Variants in PLS1 observed in about 807,000 individuals in gnomAD.
PLS1 encodes the protein plastin-1.
In PLS1, 32 loss-of-function variants were observed where a neutral mutation model predicts 73.7. The ratio of observed to expected loss-of-function variants is 0.43; its 90% CI spans 0.33 to 0.58. The LOEUF (loss-of-function observed/expected upper bound fraction) is 0.58, where lower values mean the gene tolerates loss of function less well. PLS1 is among the 20% of genes least tolerant of loss of function. The probability of loss-of-function intolerance (pLI) is 0.04; values close to 1 mark genes in which losing one functional copy is unlikely to be tolerated. For synonymous variants in PLS1, 217 were observed against 261.3 expected (o/e 0.83, Z 1.63); for missense variants, 633 against 740.5 (o/e 0.85, Z 1.68).
At chr3:142,634,106 A>G (rs1161854855) in intron 1 of PLS1, among the ~76,000 whole-genome samples, 1 of 152,224 alleles carries the variant, frequency 6.6e-6, no homozygotes, top group East Asian at 1.9e-4. Flanking sequence ...CCTCGGAGAC[A>G]TAACAATGGA....
At chr3:142,597,772 T>C (rs2035838424) in intron 1 of PLS1, among the ~76,000 whole-genome samples, 1 of 152,216 alleles carries the variant, frequency 6.6e-6, no homozygotes. Context: ...GGGGTCTTTT[T>C]ACCACTCCCT....
At chr3:142,618,871 G>A (rs965106213) in intron 1 of PLS1, among the ~76,000 whole-genome samples, 1 of 152,114 alleles carries the variant, frequency 6.6e-6, no homozygotes, top group African/African-American at 2.4e-5. Context: ...TACCCTTAAT[G>A]AACATCTGCA....
intron 1 of PLS1, among the ~76,000 whole-genome samples, chr3:142,616,553 T>C (rs1296120615): frequency 1.3e-5 from 2 of 152,182 alleles, no homozygotes; most frequent in Non-Finnish European, 2.9e-5. Flanking sequence ...ATTTGCTTTT[T>C]GTATCTATTC....
At chr3:142,618,434 T>C (rs751846897) in intron 1 of PLS1, among the ~76,000 whole-genome samples, 28 of 152,242 alleles carry the variant, frequency 1.8e-4, no homozygotes, top group Non-Finnish European at 3.4e-4. Flanking sequence ...ACAAATTTAT[T>C]ATCTTACAGT....
At chr3:142,695,953 C>T (rs531519755) in intron 11 of PLS1, among the ~76,000 whole-genome samples, 38 of 152,228 alleles carry the variant, frequency 2.5e-4, no homozygotes, top group African/African-American at 8.9e-4. Flanking sequence ...TGCCACCACG[C>T]CCAGCTAATT....
intron 1 of PLS1, among the ~76,000 whole-genome samples, chr3:142,600,916 A>ATATATATTTTT (rs1560024585): frequency 6.7e-5 from 1 of 14,842 alleles, no homozygotes; most frequent in Non-Finnish European, 1.1e-4. Flanking sequence ...ATATATATAT[A>ATATATATTTTT]TTTTTTTTTT....
At chr3:142,614,134 G>A (rs2036171246) in intron 1 of PLS1, among the ~76,000 whole-genome samples, 1 of 152,144 alleles carries the variant, frequency 6.6e-6, no homozygotes, top group Non-Finnish European at 1.5e-5. Context: ...GGCCACTTTG[G>A]GATTTGCTAT....
At chr3:142,665,669 T>TA (rs1444833560) in intron 2 of PLS1, among the ~76,000 whole-genome samples, 2 of 152,198 alleles carry the variant, frequency 1.3e-5, no homozygotes, top group Admixed American at 1.3e-4. Flanking sequence ...CAGGTCTTGG[T>TA]AAAATAAATG....
At chr3:142,681,356 C>T (rs1353883381) in intron 6 of PLS1, among the ~76,000 whole-genome samples, 1 of 151,982 alleles carries the variant, frequency 6.6e-6, no homozygotes, top group African/African-American at 2.4e-5. Flanking sequence ...ATGAAGATCC[C>T]AGTACAACAT....
intron 5 of PLS1, among the ~76,000 whole-genome samples, chr3:142,677,266 T>C (rs2107864350): frequency 6.6e-6 from 1 of 152,314 alleles, no homozygotes; most frequent in South Asian, 2.1e-4. Flanking sequence ...TTTATGAAAC[T>C]TGGCTTCTTG....
intron 1 of PLS1, among the ~76,000 whole-genome samples, chr3:142,601,009 C>T (rs1291762523): frequency 5.1e-5 from 7 of 137,940 alleles, no homozygotes; most frequent in African/African-American, 1.1e-4. Flanking sequence ...CTGCAAGCTC[C>T]GCCTCCCGGG....
intron 1 of PLS1, among the ~76,000 whole-genome samples, chr3:142,616,891 C>T (rs569822413): frequency 4.6e-5 from 7 of 152,218 alleles, no homozygotes; most frequent in African/African-American, 9.6e-5. Flanking sequence ...TGTGAGCCAC[C>T]GCACCCGGCC....
chr3:142,608,509 G>A (rs1037009579), intron 1 of PLS1, among the ~76,000 whole-genome samples: 10 of 152,154 alleles, frequency 6.6e-5, no homozygotes, highest in Middle Eastern at 3.2e-3. Flanking sequence ...AAGGGAGTAG[G>A]AACTGAGGCT....
At chr3:142,677,790 A>G (rs2037753231) in intron 5 of PLS1, among the ~76,000 whole-genome samples, 1 of 152,028 alleles carries the variant, frequency 6.6e-6, no homozygotes, top group Admixed American at 6.6e-5. Context: ...AGTTTAATTA[A>G]TTATTATTAT....
At position 142,619,303 on chromosome 3, in the gene PLS1, A is replaced by T. The variant is rs543217735; in HGVS notation, c.-37+22794A>T. The stretch of plus-strand genomic sequence containing the variant: ...AGAGAGGCACACCCATTCAGCCAGA[A>T]TATTTGCTTTTTGTGACTCATTGCC... On this transcript the variant is annotated intron_variant, in intron 1 of 15. Coordinates refer to ENST00000457734, the MANE Select transcript of PLS1 (RefSeq NM_001145319.2). 2.0e-5 allele frequency: 3 copies of T among 152,302 alleles called. No individual in the cohort carries two copies. In the East Asian group the frequency reaches 5.8e-4, roughly 29 times the overall value. 9.4% of individuals were successfully genotyped at this position (152,302 alleles called of 1,614,324 possible).
chr3:142,689,877 A>C, intron 10 of PLS1, 64 bp downstream of exon 10: 3 of 1,032,404 alleles, frequency 2.9e-6, no homozygotes, highest in Non-Finnish European at 4.3e-6. Flanking sequence ...GTCTTACTTC[A>C]CTGTCAGAGA....
intron 1 of PLS1, among the ~76,000 whole-genome samples, chr3:142,604,053 T>C (rs927484014): frequency 1.3e-5 from 2 of 152,090 alleles, no homozygotes; most frequent in African/African-American, 4.8e-5. Flanking sequence ...AGATCCAGTT[T>C]CAAGAAAGAA....
In PLS1 at chr3:142,671,086, A is replaced by G. The variant is rs188609544; in HGVS notation, c.328A>G (p.Thr110Ala). 126 of 1,611,612 alleles carry G rather than the reference A, an allele frequency of 7.8e-5. No individual in the cohort carries two copies. Among genetic ancestry groups the G allele is most frequent in the Non-Finnish European group, 5.9e-5 (70 of 1,178,112 alleles). The change falls in exon 4 of 16, where the codon ACT becomes GCT. Residue 110 changes from threonine (T) to alanine (A), a missense_variant. Transcript: ENST00000457734. ...EGITAIGGTSTISSEGTQHSY... is the reference protein window; with the variant it reads ...EGITAIGGTSAISSEGTQHSY... The stretch of plus-strand genomic sequence containing the variant: ...GATTACTGCTATTGGAGGAACTTCA[A>G]CTATTTCCAGTGAGGGCACACAGCA...
chr3:142,599,342 T>C (rs1422759350), intron 1 of PLS1, among the ~76,000 whole-genome samples: 1 of 138,482 alleles, frequency 7.2e-6, no homozygotes, highest in Admixed American at 7.3e-5. Context: ...TTTTTTTTTT[T>C]TTTTTGAGAT....
Sources: gnomAD v4.1 joint callset for allele counts (sites outside exome capture counted in the v4.1 genomes callset) on GRCh38, gnomAD v4.1.1 for gene constraint, MANE v1.5 for transcripts, NCBI Gene and HGNC (gene_info 2026-07-23, HGNC 2026-07-21) for gene names.